KCNAB1: variants seen among roughly 807,000 people sequenced by gnomAD.
The protein encoded by KCNAB1 is voltage-gated potassium channel subunit beta-1.
In KCNAB1, 35 loss-of-function variants were observed where a neutral mutation model predicts 64.6. That is an observed-to-expected ratio of 0.54 (90% CI 0.41 to 0.72). KCNAB1 has a LOEUF of 0.72. KCNAB1 is among the 30% of genes least tolerant of loss of function. The pLI is 0.00. For missense variants in KCNAB1, 401 were observed against 512.9 expected, an observed-to-expected ratio of 0.78 and a Z score of 2.11; for synonymous variants, 177 against 183.8, an observed-to-expected ratio of 0.96 and a Z score of 0.30.
At chr3:156,461,580 T>C (rs559479740) in intron 5 of KCNAB1, among the ~76,000 whole-genome samples, 21 of 152,174 alleles carry the variant, frequency 1.4e-4, no homozygotes, top group Non-Finnish European at 2.6e-4. Flanking sequence ...TCTTCAATTA[T>C]AACAGAAACC....
At chr3:156,371,717 C>T (rs1045037840) in intron 1 of KCNAB1, among the ~76,000 whole-genome samples, 1 of 151,880 alleles carries the variant, frequency 6.6e-6, no homozygotes, top group African/African-American at 2.4e-5. Context: ...ATTAAATCTC[C>T]CCCTCAGTTT....
chr3:156,436,877 A>G (rs1209919745), intron 2 of KCNAB1, among the ~76,000 whole-genome samples: 1 of 151,982 alleles, frequency 6.6e-6, no homozygotes, highest in Non-Finnish European at 1.5e-5. Flanking sequence ...TTGTCTGTTC[A>G]CTCTGATGAT....
At chr3:156,190,824 G>A (rs940710858) in intron 1 of KCNAB1, among the ~76,000 whole-genome samples, 3 of 152,064 alleles carry the variant, frequency 2.0e-5, no homozygotes, top group Non-Finnish European at 2.9e-5. Context: ...CTCCCAAGTA[G>A]CTGGGATTAC....
At chr3:156,330,641 C>T (rs1409527984) in intron 1 of KCNAB1, among the ~76,000 whole-genome samples, 3 of 152,162 alleles carry the variant, frequency 2.0e-5, no homozygotes, top group African/African-American at 7.2e-5. Flanking sequence ...CCCATTACAT[C>T]ACCTATCCCA....
chr3:156,228,241 G>T (rs1716303088), intron 1 of KCNAB1, among the ~76,000 whole-genome samples: 1 of 152,122 alleles, frequency 6.6e-6, no homozygotes, highest in Non-Finnish European at 1.5e-5. Context: ...GTCTTCAGAT[G>T]AAGGGGAGAG....
intron 1 of KCNAB1, among the ~76,000 whole-genome samples, chr3:156,253,875 C>T (rs564325412): frequency 2.4e-4 from 37 of 152,306 alleles, no homozygotes; most frequent in African/African-American, 6.5e-4. Context: ...TGAGAACCAT[C>T]GGTCTAAACC....
At chr3:156,159,792 A>C (rs913082850) in intron 1 of KCNAB1, among the ~76,000 whole-genome samples, 2 of 152,154 alleles carry the variant, frequency 1.3e-5, no homozygotes, top group Admixed American at 1.3e-4. Flanking sequence ...GAGTTTAATC[A>C]AAGGCTTTTG....
At chr3:156,417,401 C>G (rs917992431) in intron 1 of KCNAB1, among the ~76,000 whole-genome samples, 17 of 152,232 alleles carry the variant, frequency 1.1e-4, no homozygotes, top group Non-Finnish European at 2.1e-4. Context: ...GCTGGAGCCC[C>G]TTGCATATGC....
At chr3:156,497,645 C>G (rs913061597) in intron 8 of KCNAB1, among the ~76,000 whole-genome samples, 5 of 152,158 alleles carry the variant, frequency 3.3e-5, no homozygotes, top group African/African-American at 1.2e-4. Flanking sequence ...AGACTTGAGT[C>G]AGATATCTGC....
chr3:156,203,026 G>T (rs945098116), intron 1 of KCNAB1, among the ~76,000 whole-genome samples: 3 of 152,072 alleles, frequency 2.0e-5, no homozygotes, highest in East Asian at 1.9e-4. Context: ...GACAAGTTTT[G>T]GTATTAGTGG....
At position 156,148,981 on chromosome 3, in the gene KCNAB1, T is replaced by G. The variant is rs111590395; in HGVS notation, c.275+28095T>G. ...AGGAAGTGTGGGAATAAATAACTCT[T>G]CAAACGATGTAATACGAAGGTATCT... On this transcript the variant is annotated intron_variant, in intron 1 of 13. Transcript: ENST00000490337. 1.4e-3 allele frequency among the ~76,000 whole-genome samples: 211 copies of G among 152,260 alleles called. 3 individuals carry two copies. Among genetic ancestry groups the G allele is most frequent in the African/African-American group, 5.0e-3 (206 of 41,534 alleles).
intron 1 of KCNAB1, among the ~76,000 whole-genome samples, chr3:156,169,021 G>A (rs1396968625): frequency 1.3e-5 from 2 of 149,350 alleles, no homozygotes; most frequent in Non-Finnish European, 3.0e-5. Flanking sequence ...GAACACTGAT[G>A]CTATATCATA....
chr3:156,353,674 C>T (rs1725005905), intron 1 of KCNAB1, among the ~76,000 whole-genome samples: 1 of 152,198 alleles, frequency 6.6e-6, no homozygotes, highest in Admixed American at 6.5e-5. Flanking sequence ...AGGCTCCTCG[C>T]TGGCTATTGG....
At chr3:156,502,266 C>T (rs1013444950) in intron 8 of KCNAB1, among the ~76,000 whole-genome samples, 1 of 151,994 alleles carries the variant, frequency 6.6e-6, no homozygotes, top group African/African-American at 2.4e-5. Context: ...AAGGACATGC[C>T]CTATCACAGT....
At chr3:156,461,865 A>G (rs1712939850) in intron 5 of KCNAB1, among the ~76,000 whole-genome samples, 1 of 152,242 alleles carries the variant, frequency 6.6e-6, no homozygotes, top group South Asian at 2.1e-4. Flanking sequence ...ATCAGTTCAC[A>G]GTTGCCCCCG....
intron 11 of KCNAB1, among the ~76,000 whole-genome samples, chr3:156,522,472 C>T (rs1718015479): frequency 6.6e-6 from 1 of 152,126 alleles, no homozygotes; most frequent in Admixed American, 6.5e-5. Context: ...ATGCTCCAGG[C>T]CACTCTTCTT....
At chr3:156,511,870 A>T (rs983534239) in intron 8 of KCNAB1, among the ~76,000 whole-genome samples, 1 of 152,172 alleles carries the variant, frequency 6.6e-6, no homozygotes, top group African/African-American at 2.4e-5. Flanking sequence ...CCCTCTGCCA[A>T]CTTCATCTCA....
intron 1 of KCNAB1, among the ~76,000 whole-genome samples, chr3:156,363,501 C>T (rs147686370): frequency 2.0e-5 from 3 of 150,444 alleles, no homozygotes; most frequent in East Asian, 2.0e-4. Context: ...TTTGAGACAG[C>T]GTCTTGCTCT....
intron 1 of KCNAB1, among the ~76,000 whole-genome samples, chr3:156,226,092 A>G (rs1358656070): frequency 6.6e-6 from 1 of 152,210 alleles, no homozygotes; most frequent in African/African-American, 2.4e-5. Context: ...GAACCAAAAA[A>G]GAGCCCACAG....
Sources: gnomAD v4.1 joint callset for allele counts (sites outside exome capture counted in the v4.1 genomes callset) on GRCh38, gnomAD v4.1.1 for gene constraint, MANE v1.5 for transcripts, NCBI Gene and HGNC (gene_info 2026-07-23, HGNC 2026-07-21) for gene names.